The following CFAP20DC variants were observed in gnomAD, a reference collection of about 807,000 sequenced individuals.
CFAP20DC encodes the protein CFAP20 domain containing.
A neutral mutation model predicts 101.7 loss-of-function variants in CFAP20DC; 84 were observed. The ratio of observed to expected loss-of-function variants is 0.83; its 90% confidence interval spans 0.69 to 0.99. CFAP20DC has a LOEUF of 0.99. Ranked by LOEUF, CFAP20DC falls within the 50% of genes least tolerant of loss-of-function variation. The pLI is 0.00. For synonymous variants in CFAP20DC, 359 were observed against 351.2 expected (o/e 1.02, Z -0.25); for missense variants, 1,007 against 970.3 (o/e 1.04, Z -0.50).
At chr3:58,965,059 T>C (rs1418488932) in intron 4 of CFAP20DC, among the ~76,000 whole-genome samples, 1 of 152,240 alleles carries the variant, frequency 6.6e-6, no homozygotes, top group Non-Finnish European at 1.5e-5. Flanking sequence ...TCTGTGAAAT[T>C]TGTCTTCATA....
Position 58,724,640 on chromosome 3 carries a change from C to T in CFAP20DC, c.198-7012G>A, listed in dbSNP as rs762894855. ...CACCCTTTCACTGTTTCGCCCGGAA[C>T]ATCTGCTTCTTAGATCTAAGTGATT... On this transcript the variant is annotated intron_variant, in intron 3 of 3. Transcript: ENST00000486145. This position sits in a 1 kb window ranked among gnomAD's most constrained non-coding sequence, Gnocchi z 5.6. Among the ~76,000 whole-genome samples, 9 of 152,212 alleles carry T rather than the reference C, an allele frequency of 5.9e-5. No homozygotes were observed. The highest frequency in any genetic ancestry group is 1.0e-4 in the Non-Finnish European group (7 of 68,034).
chr3:58,840,637 T>C (rs753230135), intron 13 of CFAP20DC, among the ~76,000 whole-genome samples: 19 of 152,200 alleles, frequency 1.2e-4, no homozygotes, highest in Admixed American at 1.0e-3. Flanking sequence ...TGTAGAACAG[T>C]ACCTGTAATT....
intron 6 of CFAP20DC, among the ~76,000 whole-genome samples, chr3:58,886,992 A>G (rs562385936): frequency 1.3e-5 from 2 of 152,360 alleles, no homozygotes; most frequent in East Asian, 3.9e-4. Context: ...AATTTATAAA[A>G]GCAAATAGAA....
chr3:58,781,572 C>A (rs1428420891), intron 15 of CFAP20DC, among the ~76,000 whole-genome samples: 1 of 151,338 alleles, frequency 6.6e-6, no homozygotes, highest in Non-Finnish European at 1.5e-5. Context: ...AAAGAGAATA[C>A]CCAAATAAAA....
At chr3:58,870,044 T>A in intron 8 of CFAP20DC, 129 bp downstream of exon 8, 1 of 818,434 alleles carries the variant, frequency 1.2e-6, no homozygotes, top group Non-Finnish European at 1.9e-6. Context: ...CTTCTGCTTT[T>A]GGCATGTAGT....
intron 14 of CFAP20DC, among the ~76,000 whole-genome samples, chr3:58,818,846 C>A (rs1354194425): frequency 7.6e-6 from 1 of 130,804 alleles, no homozygotes; most frequent in African/African-American, 3.0e-5. Context: ...ACATTTTTTT[C>A]AGCACCACAC....
intron 15 of CFAP20DC, among the ~76,000 whole-genome samples, chr3:58,763,622 T>C (rs1185630642): frequency 1.3e-5 from 2 of 152,244 alleles, no homozygotes; most frequent in Non-Finnish European, 2.9e-5. Context: ...CTCTGATTTT[T>C]AGAGTTTCCA....
chr3:58,991,110 C>T (rs2092923321), intron 4 of CFAP20DC, among the ~76,000 whole-genome samples: 1 of 152,126 alleles, frequency 6.6e-6, no homozygotes, highest in South Asian at 2.1e-4. Flanking sequence ...TCTAGGTACA[C>T]AATCATGAAC....
rs541158082 is a variant in CFAP20DC at position 58,778,286 on chromosome 3, G to A, written c.2238-24423C>T. ...GAGGGCCTGAGGGCAGATCTTCCCA[G>A]CCTGGCTTTACAACCCCAGGTACCT... On this transcript the variant is annotated intron_variant, in intron 15 of 16. Coordinates refer to ENST00000482387, the MANE Select transcript of CFAP20DC (RefSeq NM_001394063.1). 3.9e-4 allele frequency among the ~76,000 whole-genome samples: 60 copies of A among 152,314 alleles called. 2 individuals carry two copies. The South Asian group carries it at 9.5e-3, about 24-fold the overall frequency.
At chr3:59,011,837 T>A (rs1271094340) in intron 4 of CFAP20DC, among the ~76,000 whole-genome samples, 1 of 152,196 alleles carries the variant, frequency 6.6e-6, no homozygotes, top group Non-Finnish European at 1.5e-5. Flanking sequence ...AGGTAATTGA[T>A]GAAGATTATT....
At chr3:58,976,666 C>A (rs143547176) in intron 4 of CFAP20DC, among the ~76,000 whole-genome samples, 264 of 152,218 alleles carry the variant, frequency 1.7e-3, no homozygotes, top group Non-Finnish European at 2.7e-3. Flanking sequence ...GGGAAAAAAA[C>A]AGATTCCCAG....
chr3:58,736,024 T>G (rs1253575248), intron 3 of CFAP20DC, among the ~76,000 whole-genome samples: 1 of 152,158 alleles, frequency 6.6e-6, no homozygotes, highest in Non-Finnish European at 1.5e-5. Flanking sequence ...TCTTGAGAAG[T>G]ACCTGACCTG....
intron 7 of CFAP20DC, among the ~76,000 whole-genome samples, chr3:58,877,363 G>C (rs941707697): frequency 1.3e-5 from 2 of 152,228 alleles, no homozygotes; most frequent in Non-Finnish European, 2.9e-5. Flanking sequence ...GCTGTGATAA[G>C]AGCTATGAAG....
intron 14 of CFAP20DC, among the ~76,000 whole-genome samples, chr3:58,807,114 C>T (rs1333912996): frequency 6.6e-6 from 1 of 152,210 alleles, no homozygotes; most frequent in Non-Finnish European, 1.5e-5. Context: ...GCCTGCCTGC[C>T]TCTGTAGGCT....
rs995055890 is a variant in CFAP20DC, at chr3:58,728,788, G to A, written c.198-11160C>T. Among the ~76,000 whole-genome samples, 12 of 152,050 alleles carry A rather than the reference G, an allele frequency of 7.9e-5. No individual in the cohort carries two copies. The highest frequency in any genetic ancestry group is 1.3e-4 in the Non-Finnish European group (9 of 68,012). The stretch of plus-strand genomic sequence containing the variant: ...ACATGGAACATCCTTTCAATTACTA[G>A]GTCTTTGTTGTAGCCTCTTTCCAAG... On this transcript the variant is annotated intron_variant, in intron 3 of 3. Transcript: ENST00000486145. This position sits in a 1 kb window ranked among gnomAD's most constrained non-coding sequence, Gnocchi z 4.7.
chr3:58,976,167 A>G lies in CFAP20DC; in HGVS notation c.279-38405T>C, dbSNP rs569869173. On this transcript the variant is annotated intron_variant, in intron 4 of 16. Transcript: ENST00000482387. ...ACTGATCTCCACTTAAGACCTATTC[A>G]ACAAGGTACACCTTAACATCTAAGC... Among the ~76,000 whole-genome samples, 3 of 152,340 alleles carry G rather than the reference A, an allele frequency of 2.0e-5. No individual in the cohort carries two copies. In the South Asian group the frequency reaches 6.2e-4, roughly 32 times the overall value.
At chr3:58,791,161 C>A (rs536510121) in intron 15 of CFAP20DC, among the ~76,000 whole-genome samples, 3 of 152,108 alleles carry the variant, frequency 2.0e-5, no homozygotes, top group Admixed American at 6.6e-5. Context: ...TCTCATCAAA[C>A]CCTTTAAGAT....
intron 15 of CFAP20DC, among the ~76,000 whole-genome samples, chr3:58,774,924 A>G (rs985167821): frequency 1.3e-5 from 2 of 152,178 alleles, no homozygotes; most frequent in Admixed American, 6.5e-5. Flanking sequence ...TTGAGGGTAA[A>G]GATCCATTCT....
chr3:58,804,681 T>C lies in CFAP20DC; in HGVS notation c.2237+1714A>G, dbSNP rs118037166. On this transcript the variant is annotated intron_variant, in intron 15 of 16. Transcript: ENST00000482387. Reference sequence around the variant, plus strand: ...CCTGGCCCAAATTCTTAACTTGTTATAATTTGGACCACAGTTGGATTTCCA... The same window carrying C: ...CCTGGCCCAAATTCTTAACTTGTTACAATTTGGACCACAGTTGGATTTCCA... Among the ~76,000 whole-genome samples, 122 of 152,326 alleles carry C rather than the reference T, an allele frequency of 8.0e-4. No homozygotes were observed. In the East Asian group the frequency reaches 0.015, roughly 19 times the overall value.
Sources: gnomAD v4.1 joint callset for allele counts (sites outside exome capture counted in the v4.1 genomes callset) on GRCh38, gnomAD v4.1.1 for gene constraint, Gnocchi (gnomAD v3.1) non-coding constraint, MANE v1.5 for transcripts, NCBI Gene and HGNC (gene_info 2026-07-23, HGNC 2026-07-21) for gene names.